LRPPRC: variants seen among roughly 807,000 people sequenced by gnomAD.
LRPPRC encodes leucine rich pentatricopeptide repeat containing.
Under a neutral mutation model 180.3 loss-of-function variants are expected in LRPPRC, and 120 were observed. That is an observed-to-expected ratio of 0.67 (90% CI 0.57 to 0.77). The LOEUF is 0.77. LRPPRC is among the 30% of genes least tolerant of loss of function. The pLI is 0.00. For missense variants in LRPPRC, 2,012 were observed against 1,657.2 expected (o/e 1.21, Z -3.72); for synonymous variants, 723 against 600.0 (o/e 1.21, Z -3.00).
intron 12 of LRPPRC, 31 bp from the exon 13 acceptor site, chr2:43,960,665 C>T (rs1391867190): frequency 2.0e-6 from 2 of 986,888 alleles, no homozygotes; most frequent in Non-Finnish European, 3.3e-6. Context: ...AATGAGAATA[C>T]ATCTCAGCTA....
intron 25 of LRPPRC, among the ~76,000 whole-genome samples, chr2:43,932,759 T>C (rs987729096): frequency 2.2e-4 from 34 of 152,314 alleles, no homozygotes; most frequent in African/African-American, 6.0e-4. Flanking sequence ...AAGACAGATA[T>C]TATGTTCTCT....
At chr2:43,948,069 C>A in intron 18 of LRPPRC, 53 bp downstream of exon 18, 1 of 1,165,480 alleles carries the variant, frequency 8.6e-7, no homozygotes. Flanking sequence ...TTTTAACATG[C>A]TGTTATATGT....
At chr2:43,970,870 C>T (rs1382569469) in intron 11 of LRPPRC, among the ~76,000 whole-genome samples, 4 of 152,092 alleles carry the variant, frequency 2.6e-5, no homozygotes, top group Non-Finnish European at 4.4e-5. Flanking sequence ...GAGGCTGTGG[C>T]GGGTGATCAC....
intron 11 of LRPPRC, among the ~76,000 whole-genome samples, chr2:43,973,326 G>GT (rs35735312): frequency 1.3e-5 from 2 of 151,826 alleles, no homozygotes. Flanking sequence ...GAACTAAAGA[G>GT]TTTTTTTAAG....
Position 43,888,490 on chromosome 2 carries a change from C to A in LRPPRC, c.*110G>T. The A allele has an allele frequency of 1.4e-6, 1 of 715,812 alleles. No individual in the cohort carries two copies. The allele number at this position is 715,812 out of a possible 1,614,324, so 44.3% of individuals were successfully genotyped here. On this transcript the variant is annotated 3_prime_UTR_variant, in exon 38 of 38. Transcript: ENST00000260665. ...AGACTTTGAACATGCATCACACATA[C>A]ATAAGTACATAAAGAAAATTTTCAT...
At chr2:43,956,677 G>T (rs1191813412) in intron 14 of LRPPRC, among the ~76,000 whole-genome samples, 1 of 152,096 alleles carries the variant, frequency 6.6e-6, no homozygotes, top group Non-Finnish European at 1.5e-5. Flanking sequence ...ATCACCTGAG[G>T]TCAGGAGTTC....
Position 43,905,718 on chromosome 2 carries a change from G to T in LRPPRC, c.3338C>A (p.Thr1113Lys). The T allele has an allele frequency of 6.2e-7, 1 of 1,613,822 alleles. No homozygotes were observed. The highest frequency in any genetic ancestry group is 8.5e-7 in the Non-Finnish European group (1 of 1,179,678). The change falls in exon 31 of 38, where the codon ACG becomes AAG. Residue 1113 changes from threonine (T) to lysine (K), a missense_variant. Physicochemically the swap from Thr to Lys is moderately conservative, Grantham distance 78 (BLOSUM62 -1). Transcript: ENST00000260665. ...NDAANSRLII[T>K]QVRRDYLKEA... Reference sequence around the variant, plus strand: ...TTTCAAATAATCCCGCCTAACTTGCGTTATGATGAGGCGGCTGTTGGCAGC... The same window carrying T: ...TTTCAAATAATCCCGCCTAACTTGCTTTATGATGAGGCGGCTGTTGGCAGC...
intron 23 of LRPPRC, among the ~76,000 whole-genome samples, chr2:43,939,434 C>T (rs189179041): frequency 1.4e-4 from 22 of 152,072 alleles, no homozygotes; most frequent in African/African-American, 4.6e-4. Context: ...TACTGAAATG[C>T]GCTCAAATCT....
rs1315933415 is a variant in LRPPRC at position 43,981,170 on chromosome 2, G to A, written c.346+1068C>T. 2.6e-5 allele frequency among the ~76,000 whole-genome samples: 4 copies of A among 151,606 alleles called. No homozygotes were observed. The East Asian group carries it at 5.8e-4, about 22-fold the overall frequency. Reference sequence around the variant, plus strand: ...CCTATAGCTTGCATCAGGCATTAGTGACTCAAACAGATTTTTAGTAGCTAA... The same window carrying A: ...CCTATAGCTTGCATCAGGCATTAGTAACTCAAACAGATTTTTAGTAGCTAA... On this transcript the variant is annotated intron_variant, in intron 2 of 37. Transcript: ENST00000260665.
At chr2:43,908,684 CCTGA>C (rs1671148768) in intron 30 of LRPPRC, among the ~76,000 whole-genome samples, 1 of 152,034 alleles carries the variant, frequency 6.6e-6, no homozygotes, top group African/African-American at 2.4e-5. Context: ...CACCACCACG[CCTGA>C]CTAATTTTTC....
intron 2 of LRPPRC, 81 bp from the exon 3 acceptor site, chr2:43,980,029 T>C (rs1674234662): frequency 7.2e-7 from 1 of 1,379,882 alleles, no homozygotes; most frequent in Non-Finnish European, 1.0e-6. Context: ...AACAGAAATC[T>C]ATAAGCATTC....
rs998481979 is a variant in LRPPRC, at chr2:43,886,558, C to A, written c.*2042G>T. 3.3e-5 allele frequency: 5 copies of A among 152,188 alleles called. No homozygotes were observed. Among genetic ancestry groups the A allele is most frequent in the Non-Finnish European group, 5.9e-5 (4 of 68,040 alleles). 9.4% of individuals were successfully genotyped at this position (152,188 alleles called of 1,614,324 possible). ...CAGCTAGTCCTTTGTAACACCCCCC[C>A]GCTGCTGCCGAGAGGGCTAGATAAG... is the stretch of plus-strand genomic sequence containing the variant. On this transcript the variant is annotated 3_prime_UTR_variant, in exon 38 of 38. Coordinates refer to ENST00000260665, the MANE Select transcript of LRPPRC (RefSeq NM_133259.4).
intron 1 of LRPPRC, among the ~76,000 whole-genome samples, chr2:43,991,713 G>A (rs1300836525): frequency 6.6e-6 from 1 of 152,224 alleles, no homozygotes; most frequent in Non-Finnish European, 1.5e-5. Context: ...GGAAAATGAA[G>A]AGCAAGACCA....
At chr2:43,917,624 C>A (rs1351764020) in intron 29 of LRPPRC, among the ~76,000 whole-genome samples, 2 of 151,948 alleles carry the variant, frequency 1.3e-5, no homozygotes, top group East Asian at 3.9e-4. Flanking sequence ...CCCATCTCTA[C>A]TACAAATATA....
At chr2:43,916,039 A>T (rs760385891) in intron 29 of LRPPRC, among the ~76,000 whole-genome samples, 1 of 152,070 alleles carries the variant, frequency 6.6e-6, no homozygotes, top group African/African-American at 2.4e-5. Flanking sequence ...TGTTGGGATT[A>T]TAGGCATGAG....
chr2:43,950,585 A>G lies in LRPPRC; in HGVS notation c.1665T>C (p.Asn555=). Residue 555 remains asparagine (N), a synonymous_variant, in exon 15 of 38, where the codon AAT becomes AAC. Coordinates refer to ENST00000260665, the MANE Select transcript of LRPPRC (RefSeq NM_133259.4). ...LLGFRRSMNI[N]LWSEITELLY... ...TAGAGGGACTTACCTCGCTCCAAAG[A>G]TTTATATTCATAGACCTGCAGAGGG... 6.2e-7 allele frequency: 1 copy of G among 1,613,696 alleles called. No homozygotes were observed. Among genetic ancestry groups the G allele is most frequent in the East Asian group, 2.2e-5 (1 of 44,854 alleles).
At chr2:43,898,496 G>A (rs1670768741) in intron 34 of LRPPRC, among the ~76,000 whole-genome samples, 1 of 152,190 alleles carries the variant, frequency 6.6e-6, no homozygotes, top group Non-Finnish European at 1.5e-5. Context: ...GCTGGGAAGG[G>A]GCTCCCCGGC....
Position 43,949,611 on chromosome 2 carries a change from C to T in LRPPRC, c.1726G>A (p.Gly576Arg). ...KDGRYCQEPR[G>R]PTEAVGYFLY... ...GAAATTGAAACGCTACCCGTCGGTC[C>T]TCGAGGCTCCTGGCAATAACGTCCA... Residue 576 changes from glycine (G) to arginine (R), a missense_variant, in exon 16 of 38, where the codon GGA becomes AGA. Gly to Arg is a moderately radical substitution (Grantham distance 125). Coordinates refer to ENST00000260665, the MANE Select transcript of LRPPRC (RefSeq NM_133259.4). 3 of 1,613,884 alleles carry T rather than the reference C, an allele frequency of 1.9e-6. No individual in the cohort carries two copies. The highest frequency in any genetic ancestry group is 2.2e-5 in the South Asian group (2 of 91,036).
intron 25 of LRPPRC, among the ~76,000 whole-genome samples, chr2:43,927,584 T>C (rs564014974): frequency 6.6e-5 from 10 of 152,346 alleles, no homozygotes; most frequent in African/African-American, 2.4e-4. Flanking sequence ...AATGTCAATA[T>C]ATACTAAAAG....
Sources: gnomAD v4.1 joint callset for allele counts (sites outside exome capture counted in the v4.1 genomes callset) on GRCh38, gnomAD v4.1.1 for gene constraint, MANE v1.5 for transcripts, NCBI Gene and HGNC (gene_info 2026-07-23, HGNC 2026-07-21) for gene names.